Variants in PRKG1 observed in about 807,000 individuals in gnomAD.
PRKG1 encodes the protein cGMP-dependent protein kinase 1.
Under a neutral mutation model 88.1 loss-of-function variants are expected in PRKG1, and 35 were observed. The ratio of observed to expected loss-of-function variants is 0.40; its 90% CI spans 0.30 to 0.53. The LOEUF (loss-of-function observed/expected upper bound fraction) is 0.53. Ranked by LOEUF, PRKG1 falls within the 20% of genes least tolerant of loss-of-function variation. PRKG1 has a pLI of 0.59. For synonymous variants in PRKG1, 303 were observed against 292.5 expected (o/e 1.04, Z -0.37); for missense variants, 540 against 839.8 (o/e 0.64, Z 4.41).
At chr10:51,661,820 G>A (rs1840306739) in intron 3 of PRKG1, among the ~76,000 whole-genome samples, 1 of 152,128 alleles carries the variant, frequency 6.6e-6, no homozygotes, top group South Asian at 2.1e-4. Context: ...CAGAGACTTG[G>A]AACCAACCCA....
intron 2 of PRKG1, among the ~76,000 whole-genome samples, chr10:51,391,504 G>C (rs1185920094): frequency 1.3e-5 from 2 of 152,202 alleles, no homozygotes; most frequent in African/African-American, 4.8e-5. Flanking sequence ...TTTTAGGAGA[G>C]AATATTCACA....
chr10:51,595,138 G>A (rs1285537228), intron 3 of PRKG1, among the ~76,000 whole-genome samples: 1 of 152,106 alleles, frequency 6.6e-6, no homozygotes, highest in Non-Finnish European at 1.5e-5. Context: ...CTTGGGTCCA[G>A]CAGCTCAAGA....
chr10:51,250,041 A>G (rs1381637822), intron 2 of PRKG1, among the ~76,000 whole-genome samples: 1 of 151,804 alleles, frequency 6.6e-6, no homozygotes, highest in Non-Finnish European at 1.5e-5. Context: ...AGACCCTGGA[A>G]GTCTTACTGA....
intron 8 of PRKG1, among the ~76,000 whole-genome samples, chr10:52,149,001 C>G (rs541347032): frequency 1.1e-4 from 13 of 114,956 alleles, no homozygotes; most frequent in Admixed American, 1.9e-4. Context: ...GAAAGAACAT[C>G]CTGTTTAGAC....
intron 3 of PRKG1, among the ~76,000 whole-genome samples, chr10:51,716,545 C>G (rs1841891749): frequency 6.6e-6 from 1 of 152,132 alleles, no homozygotes; most frequent in African/African-American, 2.4e-5. Flanking sequence ...ACCCAGCACT[C>G]CCAGAGTGAG....
At chr10:51,316,326 G>A (rs942473746) in intron 2 of PRKG1, among the ~76,000 whole-genome samples, 7 of 152,182 alleles carry the variant, frequency 4.6e-5, no homozygotes, top group African/African-American at 1.4e-4. Context: ...ACTGAAGAAT[G>A]TGTGGCTTTA....
At chr10:51,268,369 A>G (rs981289242) in intron 2 of PRKG1, among the ~76,000 whole-genome samples, 1 of 152,134 alleles carries the variant, frequency 6.6e-6, no homozygotes, top group Non-Finnish European at 1.5e-5. Context: ...TGGGAGTGCT[A>G]TGGGAGACTG....
chr10:52,021,012 C>T (rs1845169486), intron 5 of PRKG1, among the ~76,000 whole-genome samples: 1 of 152,104 alleles, frequency 6.6e-6, no homozygotes, highest in Admixed American at 6.6e-5. Context: ...ACCTGACATT[C>T]CTAGTGGGTG....
chr10:51,946,248 G>A (rs146163630), intron 5 of PRKG1, among the ~76,000 whole-genome samples: 17,661 of 151,736 alleles, frequency 0.12, 1,299 homozygotes, highest in East Asian at 0.35. Flanking sequence ...CCAGTTGATC[G>A]CATCGGCTCC....
At chr10:51,385,767 G>A (rs931477668) in intron 2 of PRKG1, among the ~76,000 whole-genome samples, 1 of 152,172 alleles carries the variant, frequency 6.6e-6, no homozygotes, top group African/African-American at 2.4e-5. Flanking sequence ...TTTAAAATCA[G>A]AAAGTCTCTT....
chr10:51,568,543 TTTTTCACC>T (rs1837666572), intron 3 of PRKG1: 2 of 152,064 alleles, frequency 1.3e-5, no homozygotes, highest in African/African-American at 4.8e-5. Context: ...CTTAGCCCCA[TTTTTCACC>T]TGTAACCTTA....
At chr10:51,818,322 G>C (rs1249548759) in intron 4 of PRKG1, among the ~76,000 whole-genome samples, 1 of 151,952 alleles carries the variant, frequency 6.6e-6, no homozygotes, top group African/African-American at 2.4e-5. Context: ...CTGACTCTCA[G>C]AATTCTAACA....
chr10:51,818,380 C>A (rs1839647972), intron 4 of PRKG1, among the ~76,000 whole-genome samples: 2 of 152,044 alleles, frequency 1.3e-5, no homozygotes, highest in Admixed American at 1.3e-4. Flanking sequence ...AACTTCGAAG[C>A]CCCATAATAT....
At chr10:51,635,820 G>A (rs1430483794) in intron 3 of PRKG1, among the ~76,000 whole-genome samples, 3 of 152,170 alleles carry the variant, frequency 2.0e-5, no homozygotes, top group Admixed American at 1.3e-4. Flanking sequence ...TAGAGACAGG[G>A]AAACAATTTA....
rs544481357 is a variant in PRKG1, at chr10:51,859,127, G to A, written c.699-48380G>A. ...AATTGGGGATTTGGCTAATGACCTA[G>A]GGTTGGTTTAAATCCATAAATTTGA... On this transcript the variant is annotated intron_variant, in intron 4 of 17. Coordinates refer to ENST00000373980, the MANE Select transcript of PRKG1 (RefSeq NM_006258.4). Among the ~76,000 whole-genome samples, 5 of 152,268 alleles carry A rather than the reference G, an allele frequency of 3.3e-5. 1 individual carries two copies. The highest frequency in any genetic ancestry group is 1.2e-4 in the African/African-American group (5 of 41,542).
At chr10:51,266,573 A>G (rs1057456146) in intron 2 of PRKG1, among the ~76,000 whole-genome samples, 12 of 152,364 alleles carry the variant, frequency 7.9e-5, no homozygotes, top group African/African-American at 2.9e-4. Flanking sequence ...TTTTGAGAAA[A>G]TAGTTACTGA....
At chr10:51,575,913 A>G (rs1462828923) in intron 3 of PRKG1, among the ~76,000 whole-genome samples, 2 of 151,972 alleles carry the variant, frequency 1.3e-5, no homozygotes, top group African/African-American at 4.8e-5. Flanking sequence ...TTGTATTTAA[A>G]CTTAAAAGTT....
intron 2 of PRKG1, among the ~76,000 whole-genome samples, chr10:51,260,583 A>G (rs1015895151): frequency 6.6e-6 from 1 of 152,218 alleles, no homozygotes; most frequent in Non-Finnish European, 1.5e-5. Context: ...CCCTGCAAAA[A>G]TGCTTGTGGT....
intron 2 of PRKG1, among the ~76,000 whole-genome samples, chr10:51,392,834 A>G (rs1245792219): frequency 7.1e-6 from 1 of 141,204 alleles, no homozygotes; most frequent in African/African-American, 2.7e-5. Context: ...TCCCTCCCAG[A>G]CAGGGCGGCT....
Sources: gnomAD v4.1 joint callset for allele counts (sites outside exome capture counted in the v4.1 genomes callset) on GRCh38, gnomAD v4.1.1 for gene constraint, MANE v1.5 for transcripts, NCBI Gene and HGNC (gene_info 2026-07-23, HGNC 2026-07-21) for gene names.